The following ITGA9 variants were observed in gnomAD, a reference collection of about 807,000 sequenced individuals.
ITGA9 encodes integrin subunit alpha 9.
A neutral mutation model predicts 127.8 loss-of-function variants in ITGA9; 56 were observed. The observed-to-expected ratio is 0.44, with a 90% confidence interval of 0.35 to 0.55. The LOEUF is 0.55. Ranked by LOEUF, ITGA9 falls within the 20% of genes least tolerant of loss-of-function variation. The probability of loss-of-function intolerance (pLI) is 0.00; values close to 1 mark genes in which losing one functional copy is unlikely to be tolerated. For missense variants in ITGA9, 1,196 were observed against 1,347.1 expected (o/e 0.89, Z 1.76); for synonymous variants, 508 against 514.5 (o/e 0.99, Z 0.17).
chr3:37,643,032 G>T (rs1429509469), intron 16 of ITGA9, among the ~76,000 whole-genome samples: 4 of 152,218 alleles, frequency 2.6e-5, no homozygotes, highest in Admixed American at 6.5e-5. Context: ...CTAAGAGGGT[G>T]GGAGAGTAGA....
chr3:37,639,809 A>T (rs1326789429), intron 16 of ITGA9, among the ~76,000 whole-genome samples: 1 of 152,116 alleles, frequency 6.6e-6, no homozygotes, highest in Non-Finnish European at 1.5e-5. Context: ...AGTTGGTCTC[A>T]GCTGCTGAAA....
At chr3:37,733,027 C>T (rs1415145171) in intron 19 of ITGA9, 1 of 542,844 alleles carries the variant, frequency 1.8e-6, no homozygotes, top group Non-Finnish European at 3.4e-6. Flanking sequence ...CATGATGTAC[C>T]CCAAATGTGA....
intron 14 of ITGA9, among the ~76,000 whole-genome samples, chr3:37,541,971 C>T (rs1490281813): frequency 6.6e-6 from 1 of 152,172 alleles, no homozygotes; most frequent in Admixed American, 6.5e-5. Flanking sequence ...CGAGATGGTT[C>T]CCTTGTGTTG....
At chr3:37,554,530 G>A (rs1559535282) in intron 15 of ITGA9, among the ~76,000 whole-genome samples, 1 of 152,042 alleles carries the variant, frequency 6.6e-6, no homozygotes, top group Non-Finnish European at 1.5e-5. Flanking sequence ...ATTTTTACAG[G>A]CCCCTGCTGG....
chr3:37,736,128 C>A (rs1055016398), intron 19 of ITGA9, among the ~76,000 whole-genome samples: 1 of 152,198 alleles, frequency 6.6e-6, no homozygotes, highest in African/African-American at 2.4e-5. Flanking sequence ...CTAATTCCAT[C>A]ATGAAGGCCT....
At chr3:37,717,686 A>G (rs776364500) in intron 18 of ITGA9, among the ~76,000 whole-genome samples, 5 of 152,194 alleles carry the variant, frequency 3.3e-5, no homozygotes, top group Non-Finnish European at 5.9e-5. Flanking sequence ...TCCATGATCC[A>G]GTCACCTTCC....
chr3:37,796,123 CA>C (rs1243049195), intron 26 of ITGA9, among the ~76,000 whole-genome samples: 1 of 152,112 alleles, frequency 6.6e-6, no homozygotes, highest in East Asian at 1.9e-4. Flanking sequence ...TTGCCAAGTT[CA>C]CTCATGCCAA....
At chr3:37,610,730 A>G (rs774549610) in intron 15 of ITGA9, among the ~76,000 whole-genome samples, 1 of 152,174 alleles carries the variant, frequency 6.6e-6, no homozygotes, top group South Asian at 2.1e-4. Context: ...ACAAAAGGAA[A>G]TCTCACTCAG....
chr3:37,514,145 T>C (rs1559525499), intron 9 of ITGA9, among the ~76,000 whole-genome samples: 1 of 152,246 alleles, frequency 6.6e-6, no homozygotes, highest in Non-Finnish European at 1.5e-5. Context: ...GTGCTTACTA[T>C]GTACCAGGGA....
chr3:37,632,615 A>C (rs1700238961), intron 16 of ITGA9, among the ~76,000 whole-genome samples: 1 of 152,220 alleles, frequency 6.6e-6, no homozygotes. Context: ...AACAATTTAC[A>C]ATCACAATAA....
At chr3:37,770,684 A>T (rs1418031968) in intron 23 of ITGA9, among the ~76,000 whole-genome samples, 2 of 152,170 alleles carry the variant, frequency 1.3e-5, no homozygotes, top group Admixed American at 1.3e-4. Context: ...TCACACTTCA[A>T]ACCCACTACT....
At chr3:37,651,940 G>A (rs1333148539) in intron 16 of ITGA9, among the ~76,000 whole-genome samples, 2 of 151,912 alleles carry the variant, frequency 1.3e-5, no homozygotes, top group African/African-American at 4.8e-5. Context: ...CTGTTCTTCC[G>A]TTCTCACCTC....
intron 15 of ITGA9, among the ~76,000 whole-genome samples, chr3:37,574,198 T>G (rs955108157): frequency 2.6e-5 from 4 of 152,242 alleles, no homozygotes; most frequent in African/African-American, 9.6e-5. Flanking sequence ...GGTTCTGATA[T>G]TCTTCATAGG....
At chr3:37,676,369 T>G (rs891120907) in intron 17 of ITGA9, among the ~76,000 whole-genome samples, 4 of 152,230 alleles carry the variant, frequency 2.6e-5, no homozygotes, top group Non-Finnish European at 1.5e-5. Context: ...AGCAACCATA[T>G]GGGGCAGCTC....
At chr3:37,756,482 G>T (rs73052973) in intron 23 of ITGA9, among the ~76,000 whole-genome samples, 1 of 152,098 alleles carries the variant, frequency 6.6e-6, no homozygotes, top group Non-Finnish European at 1.5e-5. Context: ...CTAGAGTTGC[G>T]ATCATTTATA....
chr3:37,493,256 A>G (rs1298690834), intron 4 of ITGA9, among the ~76,000 whole-genome samples: 1 of 152,168 alleles, frequency 6.6e-6, no homozygotes, highest in Non-Finnish European at 1.5e-5. Flanking sequence ...TGGAGTAGAC[A>G]CTCAGAACGG....
intron 4 of ITGA9, among the ~76,000 whole-genome samples, chr3:37,488,076 A>G (rs748764087): frequency 8.5e-5 from 13 of 152,182 alleles, no homozygotes; most frequent in Non-Finnish European, 1.8e-4. Flanking sequence ...TTGTCTGTCC[A>G]TGCTTTGGTG....
chr3:37,702,513 A>T (rs1193917445), intron 18 of ITGA9, among the ~76,000 whole-genome samples: 1 of 152,162 alleles, frequency 6.6e-6, no homozygotes, highest in African/African-American at 2.4e-5. Flanking sequence ...TGCAAAGCCC[A>T]TGGCCTTTGA....
intron 13 of ITGA9, 112 bp from the exon 14 acceptor site, chr3:37,533,202 T>C (rs1327900307): frequency 1.0e-6 from 1 of 1,000,192 alleles, no homozygotes; most frequent in African/African-American, 1.6e-5. Context: ...TTTCATGCTT[T>C]AATTAAATGC....
Sources: allele counts gnomAD v4.1 joint callset (sites outside exome capture counted in the v4.1 genomes callset), GRCh38; gene constraint gnomAD v4.1.1; transcripts MANE v1.5; gene names NCBI Gene and HGNC (gene_info 2026-07-23, HGNC 2026-07-21).